Variants in KDM7A observed in about 807,000 individuals in gnomAD.
The protein encoded by KDM7A is lysine demethylase 7A, also known as lysine-specific demethylase 7A.
In KDM7A, 28 loss-of-function variants were observed where a neutral mutation model predicts 114.8. That is an observed-to-expected ratio of 0.24 (90% CI 0.18 to 0.33). The LOEUF (loss-of-function observed/expected upper bound fraction) is 0.33. KDM7A is among the 10% of genes least tolerant of loss of function. The probability of loss-of-function intolerance (pLI) is 1.00; values close to 1 mark genes in which losing one functional copy is unlikely to be tolerated. For missense variants in KDM7A, 942 were observed against 1,142.5 expected (o/e 0.82, Z 2.53); for synonymous variants, 423 against 397.8 (o/e 1.06, Z -0.75).
rs1817896854 is a variant in KDM7A at position 140,084,858 on chromosome 7, A to G, written c.*6236T>C. On this transcript the variant is annotated 3_prime_UTR_variant, in exon 20 of 20. Transcript: ENST00000397560. The stretch of plus-strand genomic sequence containing the variant: ...AATACACTAAGTGCTAAAAAAATCA[A>G]AACAGAAGTAATACAATTTTAATTT... 2 of 152,160 alleles carry G rather than the reference A, an allele frequency of 1.3e-5. No homozygotes were observed. The highest frequency in any genetic ancestry group is 6.5e-5 in the Admixed American group (1 of 15,288). 9.4% of individuals were successfully genotyped at this position (152,160 alleles called of 1,614,324 possible).
rs1432728316 is a variant in KDM7A at position 140,085,831 on chromosome 7, G to C, written c.*5263C>G. 2 of 152,204 alleles carry C rather than the reference G, an allele frequency of 1.3e-5. No individual in the cohort carries two copies. Among genetic ancestry groups the C allele is most frequent in the Non-Finnish European group, 2.9e-5 (2 of 68,032 alleles). The allele number at this position is 152,204 out of a possible 1,614,324, so 9.4% of individuals were successfully genotyped here. ...TCTGTAAAAATAAAAGGTTACTTAT[G>C]AATCTTAAAAGGAAGAAATAGTTCT... is the stretch of plus-strand genomic sequence containing the variant. On this transcript the variant is annotated 3_prime_UTR_variant, in exon 20 of 20. Transcript: ENST00000397560.
chr7:140,158,436 A>G (rs533441790), intron 1 of KDM7A, among the ~76,000 whole-genome samples: 19 of 152,316 alleles, frequency 1.2e-4, no homozygotes, highest in African/African-American at 4.3e-4. Context: ...GGATGACTCT[A>G]AAGATTCTGC....
chr7:140,141,490 G>C (rs911003776), intron 1 of KDM7A, among the ~76,000 whole-genome samples: 1 of 152,112 alleles, frequency 6.6e-6, no homozygotes, highest in Non-Finnish European at 1.5e-5. Context: ...TATGTAACAG[G>C]AGGCACGGAA....
At chr7:140,117,654 T>G (rs149108261) in intron 9 of KDM7A, among the ~76,000 whole-genome samples, 122 of 152,360 alleles carry the variant, frequency 8.0e-4, no homozygotes, top group African/African-American at 2.8e-3. Context: ...ATTTGTGTTT[T>G]TATAAGTATA....
In KDM7A at chr7:140,101,979, T is replaced by C. The variant is rs748640163; in HGVS notation, c.1610A>G (p.Lys537Arg). ...TTCCCATGGACACATCTCTAATCTT[T>C]TGAGGACCTCCCTTGTGTGGAGCTC... Reference protein sequence around the residue: ...ILELHTREVLKRLEMCPWEED... With the variant: ...ILELHTREVLRRLEMCPWEED... Residue 537 changes from lysine to arginine, a missense_variant, in exon 12 of 20, where the codon AAA becomes AGA. Physicochemically the swap from Lys to Arg is conservative, Grantham distance 26. This residue lies in a region of KDM7A where 512 missense variants were observed against 576.6 expected (regional missense o/e 0.89). Coordinates refer to ENST00000397560, the MANE Select transcript of KDM7A (RefSeq NM_030647.2). 1.2e-6 allele frequency: 2 copies of C among 1,613,494 alleles called. No individual in the cohort carries two copies. Among genetic ancestry groups the C allele is most frequent in the Non-Finnish European group, 8.5e-7 (1 of 1,179,416 alleles).
chr7:140,145,880 A>T (rs895479383), intron 1 of KDM7A, among the ~76,000 whole-genome samples: 23 of 152,236 alleles, frequency 1.5e-4, no homozygotes, highest in African/African-American at 5.5e-4. Context: ...AAGATACATA[A>T]ATCAGAATGA....
intron 1 of KDM7A, among the ~76,000 whole-genome samples, chr7:140,158,369 G>A (rs1207851542): frequency 6.6e-6 from 1 of 152,150 alleles, no homozygotes; most frequent in African/African-American, 2.4e-5. Context: ...AGATTCTGAA[G>A]GTAAGCGAAC....
intron 11 of KDM7A, among the ~76,000 whole-genome samples, chr7:140,104,067 ATGAG>A (rs1387350235): frequency 1.3e-5 from 2 of 152,270 alleles, no homozygotes; most frequent in East Asian, 3.9e-4. Flanking sequence ...GCCAGTGATG[ATGAG>A]CATTTTTTCA....
chr7:140,091,222 T>C (rs749609400), intron 19 of KDM7A, 34 bp from the exon 20 acceptor site: 9 of 1,418,572 alleles, frequency 6.3e-6, no homozygotes, highest in Admixed American at 1.7e-5. Flanking sequence ...TAAGTAATGA[T>C]GAAAAGTACA....
At chr7:140,174,698 T>G (rs946322675) in intron 1 of KDM7A, among the ~76,000 whole-genome samples, 3 of 152,168 alleles carry the variant, frequency 2.0e-5, no homozygotes, top group Admixed American at 6.5e-5. Flanking sequence ...CTTCCCGGGT[T>G]CAAAAGATTC....
intron 1 of KDM7A, among the ~76,000 whole-genome samples, chr7:140,163,893 CAAGT>C (rs1794546631): frequency 6.6e-6 from 1 of 151,874 alleles, no homozygotes; most frequent in Non-Finnish European, 1.5e-5. Context: ...TATAGTAGTA[CAAGT>C]AACAAATCAA....
At chr7:140,094,951 G>A (rs1181842483) in intron 17 of KDM7A, among the ~76,000 whole-genome samples, 2 of 152,110 alleles carry the variant, frequency 1.3e-5, no homozygotes, top group Non-Finnish European at 2.9e-5. Flanking sequence ...AGGTTCAAGC[G>A]ATTCTCCTGC....
In KDM7A at chr7:140,091,030, G is replaced by A. The variant is rs2116731129; in HGVS notation, c.*64C>T. ...TGCTCCAGGCAGGGGGACAGCGGAA[G>A]CTCCAGGCTCCTGCACCCCTAGACT... On this transcript the variant is annotated 3_prime_UTR_variant, in exon 20 of 20. Transcript: ENST00000397560. 8.7e-7 allele frequency: 1 copy of A among 1,147,784 alleles called. No individual in the cohort carries two copies. The highest frequency in any genetic ancestry group is 1.2e-5 in the South Asian group (1 of 81,590). 71.1% of individuals were successfully genotyped at this position (1,147,784 alleles called of 1,614,324 possible).
chr7:140,153,491 GA>G (rs78679615), intron 1 of KDM7A, among the ~76,000 whole-genome samples: 10,545 of 131,448 alleles, frequency 0.08, 458 homozygotes, highest in East Asian at 0.15. Context: ...GTCTCAAAAA[GA>G]AAAAAAAAAA....
intron 1 of KDM7A, among the ~76,000 whole-genome samples, chr7:140,171,509 A>G (rs920036217): frequency 1.5e-4 from 22 of 146,030 alleles, no homozygotes; most frequent in Admixed American, 8.3e-4. Flanking sequence ...CATATTTTAT[A>G]TATATTTATA....
At position 140,124,779 on chromosome 7, in the gene KDM7A, T is replaced by C; in HGVS notation, c.893A>G (p.Glu298Gly). 6.2e-7 allele frequency: 1 copy of C among 1,601,382 alleles called. No homozygotes were observed. Among genetic ancestry groups the C allele is most frequent in the Non-Finnish European group, 8.5e-7 (1 of 1,172,214 alleles). The change falls in exon 7 of 20, where the codon GAG becomes GGG. Residue 298 changes from glutamate to glycine, a missense_variant. By Grantham distance (98) the Glu-to-Gly change is moderately conservative. Coordinates refer to ENST00000397560, the MANE Select transcript of KDM7A (RefSeq NM_030647.2). Reference sequence around the variant, plus strand: ...TGGCTTTATTAAATAAAAAATCTTCTCACCCTAAAAGGAAGTATCATACTA... The same window carrying C: ...TGGCTTTATTAAATAAAAAATCTTCCCACCCTAAAAGGAAGTATCATACTA... ...TSVWYHVLWG[E>G]KIFYLIKPTD...
chr7:140,127,666 T>C lies in KDM7A; in HGVS notation c.560-83A>G, dbSNP rs985286012. ...CTAATCAAAAAATATTTTAACTTGG[T>C]ATGATAATTAAACCAACTATAAAAC... is the stretch of plus-strand genomic sequence containing the variant. On this transcript the variant is annotated intron_variant, in intron 4 of 19. Transcript: ENST00000397560. The C allele has an allele frequency of 1.1e-4, 124 of 1,160,866 alleles. No homozygotes were observed. The African/African-American group carries it at 1.6e-3, about 15-fold the overall frequency. 71.9% of individuals were successfully genotyped at this position (1,160,866 alleles called of 1,614,324 possible).
In KDM7A at chr7:140,097,009, A is replaced by G; in HGVS notation, c.2055T>C (p.Gly685=). The part of the protein sequence containing the change: ...IFTTEESESS[G]DEKKQEITSN... ...ATGTTATTTCTTGTTTCTTTTCATC[A>G]CCTGAACTTTCAGACTCTTCAGTGG... The change falls in exon 16 of 20, where the codon GGT becomes GGC. Residue 685 remains glycine, a synonymous_variant. Transcript: ENST00000397560. 1 of 1,612,572 alleles carries G rather than the reference A, an allele frequency of 6.2e-7. No individual in the cohort carries two copies. The highest frequency in any genetic ancestry group is 8.5e-7 in the Non-Finnish European group (1 of 1,178,784).
In KDM7A at chr7:140,148,300, C is replaced by T. The variant is rs78166544; in HGVS notation, c.195-9110G>A. 6.6e-5 allele frequency among the ~76,000 whole-genome samples: 10 copies of T among 152,010 alleles called. No individual in the cohort carries two copies. The East Asian group carries it at 1.7e-3, about 26-fold the overall frequency. The stretch of plus-strand genomic sequence containing the variant: ...GGAGTTGAGAAAAATCTCTCTCTCT[C>T]GAGTCAGTCTGCCTGTGTTAGAATC... On this transcript the variant is annotated intron_variant, in intron 1 of 19. Transcript: ENST00000397560.
Sources: gnomAD v4.1 joint callset for allele counts (sites outside exome capture counted in the v4.1 genomes callset) on GRCh38, gnomAD v4.1.1 for gene constraint, gnomAD v4.1.1 regional missense constraint, MANE v1.5 for transcripts, NCBI Gene and HGNC (gene_info 2026-07-23, HGNC 2026-07-21) for gene names.